The following USP6 variants were observed in gnomAD, a reference collection of about 807,000 sequenced individuals.
USP6 encodes the protein ubiquitin specific peptidase 6.
USP6 carries 128 observed loss-of-function variants against 175.7 expected under a neutral mutation model. That is an observed-to-expected ratio of 0.73 (90% CI 0.63 to 0.84). USP6 has a LOEUF of 0.84. USP6 is among the 40% of genes least tolerant of loss of function. The pLI is 0.00. For missense variants in USP6, 1,498 were observed against 1,760.3 expected (o/e 0.85, Z 2.67); for synonymous variants, 562 against 630.6 (o/e 0.89, Z 1.63).
chr17:5,159,830 G>A (rs1407877537), intron 31 of USP6, among the ~76,000 whole-genome samples: 1 of 152,020 alleles, frequency 6.6e-6, no homozygotes, highest in Non-Finnish European at 1.5e-5. Flanking sequence ...AGGTATGGTG[G>A]TGCATGCCTG....
At chr17:5,139,109 GCAGACTA>G in intron 21 of USP6, 139 bp from the exon 22 acceptor site, 1 of 1,596,262 alleles carries the variant, frequency 6.3e-7, no homozygotes, top group Non-Finnish European at 8.5e-7. Flanking sequence ...TCTGGGATCA[GCAGACTA>G]CAGGCGTGTC....
chr17:5,135,657 C>G, intron 16 of USP6, 151 bp from the exon 17 acceptor site: 2 of 1,566,148 alleles, frequency 1.3e-6, no homozygotes, highest in Non-Finnish European at 1.7e-6. Flanking sequence ...GGACTTTGCT[C>G]TTGTCATGAA....
At chr17:5,162,479 T>C (rs1336730079) in intron 32 of USP6, among the ~76,000 whole-genome samples, 5 of 152,312 alleles carry the variant, frequency 3.3e-5, no homozygotes, top group Admixed American at 6.5e-5. Flanking sequence ...TTATTTAATC[T>C]GCCATTTTAC....
chr17:5,139,557 C>G lies in USP6; in HGVS notation c.1381C>G (p.Leu461Val). The change falls in exon 22 of 38, where the codon CTG (leucine) becomes GTG (valine). Residue 461 changes from leucine (L) to valine (V), a missense_variant. Leu to Val is a conservative substitution (Grantham distance 32). Around this residue, in one of 2 missense-constraint regions of USP6, gnomAD observed 1,217 missense variants for 1,500.8 expected, o/e 0.81. Coordinates refer to ENST00000574788, the MANE Select transcript of USP6 (RefSeq NM_001304284.2). Reference sequence around the variant, plus strand: ...GTCAATGCCCCGGCTCCCAACGGACCTGGATATAGGGGGCCCTTGGTTCCC... The same window carrying G: ...GTCAATGCCCCGGCTCCCAACGGACGTGGATATAGGGGGCCCTTGGTTCCC... ...WKSMPRLPTD[L>V]DIGGPWFPHY... The G allele has an allele frequency of 6.2e-7, 1 of 1,613,840 alleles. No individual in the cohort carries two copies.
chr17:5,141,034 A>G (rs1204576850), intron 22 of USP6, among the ~76,000 whole-genome samples: 1 of 152,194 alleles, frequency 6.6e-6, no homozygotes, highest in Non-Finnish European at 1.5e-5. Context: ...CAGTGGTCCC[A>G]TAAGATTATA....
At chr17:5,168,193 A>G in intron 34 of USP6, 70 bp downstream of exon 34, 1 of 1,476,854 alleles carries the variant, frequency 6.8e-7, no homozygotes, top group Non-Finnish European at 9.0e-7. Context: ...AACAAACAGG[A>G]GGTTTTGTTA....
At position 5,130,445 on chromosome 17, in the gene USP6, G is replaced by C. The variant is rs373039669; in HGVS notation, c.72+6G>C. The C allele has an allele frequency of 6.2e-7, 1 of 1,614,022 alleles. No individual in the cohort carries two copies. The highest frequency in any genetic ancestry group is 1.3e-5 in the African/African-American group (1 of 74,914). ...TACTTATGAAGTATGACAAGGTACAGTTCGGTCTGCTCCTTGGAGGGAGGC... is the reference window on the plus strand; with the variant it reads ...TACTTATGAAGTATGACAAGGTACACTTCGGTCTGCTCCTTGGAGGGAGGC... On this transcript the variant is annotated splice_donor_region_variant and intron_variant, in intron 10 of 37. Coordinates refer to ENST00000574788, the MANE Select transcript of USP6 (RefSeq NM_001304284.2).
chr17:5,146,999 A>G (rs1219931672), intron 28 of USP6, 84 bp from the exon 29 acceptor site: 14 of 1,350,520 alleles, frequency 1.0e-5, no homozygotes, highest in Non-Finnish European at 1.4e-5. Context: ...GACCTAAGAC[A>G]TTCTTTTGAA....
chr17:5,137,140 G>T lies in USP6; in HGVS notation c.779G>T (p.Gly260Val). 6.2e-7 allele frequency: 1 copy of T among 1,613,530 alleles called. No individual in the cohort carries two copies. The highest frequency in any genetic ancestry group is 8.5e-7 in the Non-Finnish European group (1 of 1,179,630). ...CATCAGGACAAGGAAGGTCTATGCGGGCAGTGTGCCTCGTTAGGCTGCCTT... is the reference window on the plus strand; with the variant it reads ...CATCAGGACAAGGAAGGTCTATGCGTGCAGTGTGCCTCGTTAGGCTGCCTT... ...MWHQDKEGLC[G>V]QCASLGCLLR... The change falls in exon 19 of 38, where the codon GGG (glycine) becomes GTG (valine). Residue 260 changes from glycine to valine, a missense_variant. By Grantham distance (109) the Gly-to-Val change is moderately radical. This residue lies in a region of USP6 where 1,217 missense variants were observed against 1,500.8 expected (regional missense o/e 0.81). Transcript: ENST00000574788.
At chr17:5,138,401 G>A (rs2289102) in intron 21 of USP6, 128 bp downstream of exon 21, 177,999 of 1,523,780 alleles carry the variant, frequency 0.12, 20,949 homozygotes, top group East Asian at 0.47. Context: ...TCTTCCTCCT[G>A]GACTCTAAGA....
rs1215601915 is a variant in USP6 at position 5,125,856 on chromosome 17, A to G, written c.-556A>G. 1 of 152,174 alleles carries G rather than the reference A, an allele frequency of 6.6e-6. No homozygotes were observed. Among genetic ancestry groups the G allele is most frequent in the Non-Finnish European group, 1.5e-5 (1 of 68,076 alleles). 9.4% of individuals were successfully genotyped at this position (152,174 alleles called of 1,614,324 possible). The stretch of plus-strand genomic sequence containing the variant: ...AATGGCGCAATCTCGGCTCTCTGCA[A>G]CTTCCGCCTCCTGGGTTCAAGCAAT... On this transcript the variant is annotated 5_prime_UTR_variant, in exon 6 of 38. Coordinates refer to ENST00000574788, the MANE Select transcript of USP6 (RefSeq NM_001304284.2).
At position 5,132,171 on chromosome 17, in the gene USP6, GT is replaced by G. The variant is rs764711119; in HGVS notation, c.156-224del. 76 of 1,508,132 alleles carry G rather than the reference GT, an allele frequency of 5.0e-5. No homozygotes were observed. Among genetic ancestry groups the G allele is most frequent in the South Asian group, 4.8e-4 (39 of 82,026 alleles). 93.4% of individuals were successfully genotyped at this position (1,508,132 alleles called of 1,614,324 possible). ...ACCACCCCCCATGCCAGGGGCCCCA[GT>G]AACCCCAGCCAGGCTGTCCCTGCAC... On this transcript the variant is annotated intron_variant, in intron 11 of 37. Transcript: ENST00000574788. This position sits in a 1 kb window ranked among gnomAD's most constrained non-coding sequence, Gnocchi z 4.7.
intron 18 of USP6, 130 bp downstream of exon 18, chr17:5,136,864 C>T (rs1051468453): frequency 9.0e-5 from 128 of 1,428,154 alleles, no homozygotes; most frequent in Non-Finnish European, 1.1e-4. Context: ...CCTGGGACGT[C>T]GGGTTCTCCA....
At chr17:5,145,889 T>A (rs1045503358) in intron 27 of USP6, 134 bp from the exon 28 acceptor site, 90 of 1,288,136 alleles carry the variant, frequency 7.0e-5, no homozygotes, top group Non-Finnish European at 8.9e-5. Context: ...TGTTTTAGTG[T>A]TTACCCATAA....
At chr17:5,163,466 A>G (rs2144132118) in intron 33 of USP6, among the ~76,000 whole-genome samples, 1 of 152,268 alleles carries the variant, frequency 6.6e-6, no homozygotes, top group African/African-American at 2.4e-5. Flanking sequence ...AAGTTCTCAG[A>G]AGAGAACTCA....
intron 15 of USP6, chr17:5,134,644 G>A (rs1195247652): frequency 4.0e-5 from 7 of 173,310 alleles, no homozygotes; most frequent in Admixed American, 2.7e-4. Context: ...CCCTTCAAAC[G>A]GAAGACCCAG....
rs1489790103 is a variant in USP6 at position 5,141,449 on chromosome 17, C to T, written c.1523C>T (p.Pro508Leu). ...GEVHNKDMSWPEEMSFTANSS... is the reference protein window; with the variant it reads ...GEVHNKDMSWLEEMSFTANSS... ...GTTCACAACAAAGATATGAGTTGGC[C>T]TGAGGAGATGTCTTTTACAGCAAAT... The change falls in exon 23 of 38, where the codon CCT becomes CTT. Residue 508 changes from proline (P) to leucine (L), a missense_variant. Around this residue, in one of 2 missense-constraint regions of USP6, gnomAD observed 1,217 missense variants for 1,500.8 expected, o/e 0.81. Transcript: ENST00000574788. 6.2e-7 allele frequency: 1 copy of T among 1,609,158 alleles called. No homozygotes were observed. Among genetic ancestry groups the T allele is most frequent in the Admixed American group, 1.7e-5 (1 of 59,340 alleles).
In USP6 at chr17:5,155,507, A is replaced by G. The variant is rs561695451; in HGVS notation, c.2729A>G (p.His910Arg). The G allele has an allele frequency of 2.5e-6, 4 of 1,614,168 alleles. No individual in the cohort carries two copies. The highest frequency in any genetic ancestry group is 2.5e-6 in the Non-Finnish European group (3 of 1,180,016). ...GMPLIVPCTV[H>R]TRKKDLYDAV... ...CCATTGATTGTTCCATGCACTGTGC[A>G]TACCCGGAAGAAAGACCTATATGAT... Residue 910 changes from histidine to arginine, a missense_variant, in exon 31 of 38, where the codon CAT (histidine) becomes CGT (arginine). Transcript: ENST00000574788.
chr17:5,136,321 C>A (rs2073252292), intron 17 of USP6, among the ~76,000 whole-genome samples: 2 of 152,246 alleles, frequency 1.3e-5, no homozygotes, highest in Admixed American at 1.3e-4. Flanking sequence ...CATCCCGTGT[C>A]CCCTGGCCCG....
Sources: gnomAD v4.1 joint callset for allele counts (sites outside exome capture counted in the v4.1 genomes callset) on GRCh38, gnomAD v4.1.1 for gene constraint, gnomAD v4.1.1 regional missense constraint, Gnocchi (gnomAD v3.1) non-coding constraint, MANE v1.5 for transcripts, NCBI Gene and HGNC (gene_info 2026-07-23, HGNC 2026-07-21) for gene names.